Variants in CACNA2D3 observed in about 807,000 individuals in gnomAD.
CACNA2D3 encodes calcium voltage-gated channel auxiliary subunit alpha2delta 3.
A neutral mutation model predicts 160.6 loss-of-function variants in CACNA2D3; 60 were observed. That is an observed-to-expected ratio of 0.37 (90% CI 0.30 to 0.46). The LOEUF is 0.46. CACNA2D3 is among the 20% of genes least tolerant of loss of function. The probability of loss-of-function intolerance (pLI) is 1.00; values close to 1 mark genes in which losing one functional copy is unlikely to be tolerated. For missense variants in CACNA2D3, 1,205 were observed against 1,365.0 expected (o/e 0.88, Z 1.85); for synonymous variants, 558 against 492.9 (o/e 1.13, Z -1.75).
intron 2 of CACNA2D3, among the ~76,000 whole-genome samples, chr3:54,282,696 G>C (rs1370100589): frequency 6.6e-6 from 1 of 152,220 alleles, no homozygotes; most frequent in Non-Finnish European, 1.5e-5. Context: ...ACAGTGTAGT[G>C]AGAAGACATT....
rs145204921 is a variant in CACNA2D3, at chr3:54,183,189, G to A, written c.204+59595G>A. 5.1e-3 allele frequency among the ~76,000 whole-genome samples: 769 copies of A among 150,250 alleles called. 4 individuals are homozygous for A. The highest frequency in any genetic ancestry group is 0.017 in the Middle Eastern group (5 of 292). On this transcript the variant is annotated intron_variant, in intron 2 of 37. Coordinates refer to ENST00000474759, the MANE Select transcript of CACNA2D3 (RefSeq NM_018398.3). ...GGTTAAGAAAGTGGAATTGAGTTTGGGAGAATTGAGGCATAAAGAAAATTT... is the reference window on the plus strand; with the variant it reads ...GGTTAAGAAAGTGGAATTGAGTTTGAGAGAATTGAGGCATAAAGAAAATTT...
chr3:54,300,672 A>T (rs1436785738), intron 2 of CACNA2D3, among the ~76,000 whole-genome samples: 3 of 152,164 alleles, frequency 2.0e-5, no homozygotes, highest in Non-Finnish European at 4.4e-5. Flanking sequence ...TGTCATTGTC[A>T]CCAATTCTGA....
At chr3:54,349,694 C>T (rs919354283) in intron 3 of CACNA2D3, among the ~76,000 whole-genome samples, 13 of 152,300 alleles carry the variant, frequency 8.5e-5, no homozygotes, top group East Asian at 3.9e-4. Context: ...ATCACTCCCC[C>T]CTCCCCCAGG....
At chr3:54,417,793 TGTGGGGGGGGGG>T (rs1374478094) in intron 4 of CACNA2D3, among the ~76,000 whole-genome samples, 1 of 50,220 alleles carries the variant, frequency 2.0e-5, no homozygotes, top group African/African-American at 1.2e-4. Context: ...TATCTGTGTG[TGTGGGGGGGGGG>T]GTGGGGGGGT....
At chr3:54,546,731 C>T (rs1019495758) in intron 5 of CACNA2D3, among the ~76,000 whole-genome samples, 1 of 151,878 alleles carries the variant, frequency 6.6e-6, no homozygotes, top group Non-Finnish European at 1.5e-5. Flanking sequence ...CACACACACA[C>T]AGACGGTCAA....
intron 4 of CACNA2D3, among the ~76,000 whole-genome samples, chr3:54,476,286 A>AT (rs71619803): frequency 0.02 from 2,966 of 150,246 alleles, 36 homozygotes; most frequent in Non-Finnish European, 0.027. Flanking sequence ...CATATATCAC[A>AT]TTTTTTTTAT....
intron 13 of CACNA2D3, among the ~76,000 whole-genome samples, chr3:54,808,531 A>T (rs1461483298): frequency 6.6e-6 from 1 of 152,138 alleles, no homozygotes; most frequent in East Asian, 1.9e-4. Context: ...TCACACGTCT[A>T]CCCTGAGCCA....
chr3:54,193,127 T>C (rs1334572977), intron 2 of CACNA2D3, among the ~76,000 whole-genome samples: 7 of 152,198 alleles, frequency 4.6e-5, no homozygotes, highest in Non-Finnish European at 8.8e-5. Flanking sequence ...CGAACCCCTT[T>C]TACAGGTGAA....
At chr3:54,735,984 TATATATATACATA>T (rs1314084260) in intron 11 of CACNA2D3, among the ~76,000 whole-genome samples, 6,269 of 122,334 alleles carry the variant, frequency 0.051, 82 homozygotes, top group Non-Finnish European at 0.064. Context: ...CATGCATGTA[TATATATATACATA>T]TATATATATG....
intron 11 of CACNA2D3, among the ~76,000 whole-genome samples, chr3:54,655,999 C>A (rs778155224): frequency 6.6e-6 from 1 of 152,192 alleles, no homozygotes; most frequent in Non-Finnish European, 1.5e-5. Flanking sequence ...ATGTCCCCAT[C>A]TTGCAGGGTT....
chr3:54,764,766 A>G (rs902832071), intron 13 of CACNA2D3, among the ~76,000 whole-genome samples: 16 of 152,150 alleles, frequency 1.1e-4, no homozygotes, highest in Admixed American at 1.0e-3. Flanking sequence ...CTAATAATGA[A>G]TTGGGGCCAC....
At chr3:54,320,705 A>G (rs970909402) in intron 3 of CACNA2D3, 147 bp downstream of exon 3, 6 of 532,310 alleles carry the variant, frequency 1.1e-5, no homozygotes, top group Non-Finnish European at 2.0e-5. Context: ...CTGGTTAGCC[A>G]GGAAAAGCAG....
chr3:55,049,246 A>G (rs1261628520), intron 35 of CACNA2D3, among the ~76,000 whole-genome samples: 2 of 149,050 alleles, frequency 1.3e-5, no homozygotes, highest in East Asian at 1.9e-4. Context: ...ATTTAGTGCT[A>G]TAAATTTCCC....
rs144224107 is a variant in CACNA2D3, at chr3:54,516,835, G to A, written c.544+13181G>A. ...CTCTACTCACTGCTATCAAAGGCAGGGTGGGAGGAGGGGAATTAGCAAGAC... is the reference window on the plus strand; with the variant it reads ...CTCTACTCACTGCTATCAAAGGCAGAGTGGGAGGAGGGGAATTAGCAAGAC... On this transcript the variant is annotated intron_variant, in intron 5 of 37. Transcript: ENST00000474759. Among the ~76,000 whole-genome samples the A allele has an allele frequency of 5.9e-3, 903 of 152,262 alleles. 9 individuals are homozygous for A. Among genetic ancestry groups the A allele is most frequent in the African/African-American group, 0.019 (807 of 41,534 alleles).
intron 13 of CACNA2D3, among the ~76,000 whole-genome samples, chr3:54,802,199 T>C (rs557626109): frequency 2.0e-4 from 31 of 152,146 alleles, no homozygotes; most frequent in African/African-American, 7.0e-4. Flanking sequence ...CAATTAGGGA[T>C]TATGGAGTGA....
intron 4 of CACNA2D3, among the ~76,000 whole-genome samples, chr3:54,471,083 C>G (rs1043212872): frequency 6.6e-6 from 1 of 152,172 alleles, no homozygotes; most frequent in African/African-American, 2.4e-5. Flanking sequence ...ACAGAACTCT[C>G]CACCCCAAAT....
At chr3:54,611,973 A>G (rs1698757325) in intron 9 of CACNA2D3, among the ~76,000 whole-genome samples, 1 of 152,244 alleles carries the variant, frequency 6.6e-6, no homozygotes, top group Non-Finnish European at 1.5e-5. Flanking sequence ...CACAAGGACT[A>G]TATTAAAAGG....
At chr3:54,872,484 G>A (rs758635831) in intron 18 of CACNA2D3, among the ~76,000 whole-genome samples, 1 of 152,056 alleles carries the variant, frequency 6.6e-6, no homozygotes, top group Non-Finnish European at 1.5e-5. Context: ...TGTTGAGTTG[G>A]CGTTGTTTCC....
At chr3:54,545,600 A>G (rs1483508739) in intron 5 of CACNA2D3, among the ~76,000 whole-genome samples, 1 of 152,198 alleles carries the variant, frequency 6.6e-6, no homozygotes, top group African/African-American at 2.4e-5. Context: ...GGTGACTGAT[A>G]CAGTTCCTTT....
Sources: gnomAD v4.1 joint callset for allele counts (sites outside exome capture counted in the v4.1 genomes callset) on GRCh38, gnomAD v4.1.1 for gene constraint, MANE v1.5 for transcripts, NCBI Gene and HGNC (gene_info 2026-07-23, HGNC 2026-07-21) for gene names.